GLRA2: variants seen among roughly 807,000 people sequenced by gnomAD.
GLRA2 encodes the protein glycine receptor alpha 2.
Under a neutral mutation model 31.6 loss-of-function variants are expected in GLRA2, and 11 were observed. The ratio of observed to expected loss-of-function variants is 0.35; its 90% CI spans 0.22 to 0.58. The LOEUF (loss-of-function observed/expected upper bound fraction) is 0.58, where lower values mean the gene tolerates loss of function less well. Ranked by LOEUF, GLRA2 falls within the 20% of genes least tolerant of loss-of-function variation. GLRA2 has a pLI of 0.84. For missense variants in GLRA2, 212 were observed against 351.8 expected (o/e 0.60, Z 3.18); for synonymous variants, 132 against 134.0 (o/e 0.99, Z 0.10).
chrX:14,675,808 C>T (rs183368905), intron 7 of GLRA2, among the ~76,000 whole-genome samples: 1,310 of 112,057 alleles, frequency 0.012, 11 homozygotes, highest in Non-Finnish European at 0.017. Flanking sequence ...CCAGGATTAA[C>T]TTGACTATAT....
At position 14,586,563 on chromosome X, in the gene GLRA2, A is replaced by C. The variant is rs776037422; in HGVS notation, c.494+5157A>C. Among the ~76,000 whole-genome samples, 7 of 112,456 alleles carry C rather than the reference A, an allele frequency of 6.2e-5. No homozygotes were observed. The East Asian group carries it at 1.7e-3, about 27-fold the overall frequency. The stretch of plus-strand genomic sequence containing the variant: ...TGTGGTCCTTCATCTGGGATGGGGA[A>C]AGAGTCAAATTCTAAATTCAGAGAG... On this transcript the variant is annotated intron_variant, in intron 4 of 8. Coordinates refer to ENST00000218075, the MANE Select transcript of GLRA2 (RefSeq NM_002063.4).
chrX:14,497,394 A>G, the GLRA2 span, among the ~76,000 whole-genome samples: 1 of 112,352 alleles, frequency 8.9e-6, no homozygotes, highest in Admixed American at 9.4e-5. Flanking sequence ...GGAATTTATC[A>G]TAAGAGTAAC....
chrX:14,722,216 G>A (rs1288314122), intron 8 of GLRA2, among the ~76,000 whole-genome samples: 1 of 111,800 alleles, frequency 8.9e-6, no homozygotes, highest in Non-Finnish European at 1.9e-5. Flanking sequence ...GTTGTGGTTC[G>A]GGGTCTCTCC....
At chrX:14,660,487 T>C (rs898233330) in intron 7 of GLRA2, among the ~76,000 whole-genome samples, 4 of 111,740 alleles carry the variant, frequency 3.6e-5, no homozygotes, top group African/African-American at 1.3e-4. Flanking sequence ...ATGTGGGCCA[T>C]GGAGGTTTTT....
At chrX:14,701,068 C>CTGAT (rs2091533787) in intron 8 of GLRA2, among the ~76,000 whole-genome samples, 1 of 110,350 alleles carries the variant, frequency 9.1e-6, no homozygotes. Flanking sequence ...ATGATGGCAT[C>CTGAT]TGATTGTTTT....
At chrX:14,690,656 T>C in intron 7 of GLRA2, 54 bp from the exon 8 acceptor site, 1 of 898,960 alleles carries the variant, frequency 1.1e-6, no homozygotes, top group Non-Finnish European at 1.6e-6. Context: ...TCATAGTCTT[T>C]CTTTCTCTCT....
chrX:14,690,663 C>G, intron 7 of GLRA2, 47 bp from the exon 8 acceptor site: 1 of 751,044 alleles, frequency 1.3e-6, no homozygotes, highest in Non-Finnish European at 2.0e-6. Context: ...CTTTCTTTCT[C>G]TCTCTCTCTC....
intron 3 of GLRA2, among the ~76,000 whole-genome samples, chrX:14,577,227 C>T (rs1162668213): frequency 8.8e-6 from 1 of 113,201 alleles, no homozygotes; most frequent in African/African-American, 3.2e-5. Context: ...CTTACAAAAA[C>T]AGGCCAAGGC....
the GLRA2 span, among the ~76,000 whole-genome samples, chrX:14,515,028 TTTACTC>T: frequency 9.0e-6 from 1 of 111,710 alleles, no homozygotes; most frequent in Non-Finnish European, 1.9e-5. Context: ...GAAATAGTCT[TTTACTC>T]TTATTTTATT....
chrX:14,685,680 T>A (rs1232538390), intron 7 of GLRA2, among the ~76,000 whole-genome samples: 2 of 111,991 alleles, frequency 1.8e-5, no homozygotes, highest in Non-Finnish European at 3.8e-5. Context: ...TGTCATTTTT[T>A]ATTGCGTCTA....
At chrX:14,454,872 T>G in the GLRA2 span, among the ~76,000 whole-genome samples, 1 of 112,366 alleles carries the variant, frequency 8.9e-6, no homozygotes, top group Non-Finnish European at 1.9e-5. Flanking sequence ...ATGACTGACA[T>G]TTAAACAAAA....
At chrX:14,606,017 T>C (rs2090329360) in intron 5 of GLRA2, among the ~76,000 whole-genome samples, 1 of 54,502 alleles carries the variant, frequency 1.8e-5, no homozygotes, top group Admixed American at 1.6e-4. Flanking sequence ...TTCTTATTAT[T>C]TTTTTTTTTT....
the GLRA2 span, among the ~76,000 whole-genome samples, chrX:14,507,002 CTT>C: frequency 0.026 from 2,939 of 111,703 alleles, 91 homozygotes; most frequent in African/African-American, 0.09. Flanking sequence ...AAGGAAAAAT[CTT>C]TATTTGAGTA....
At chrX:14,680,177 C>T (rs1185042867) in intron 7 of GLRA2, among the ~76,000 whole-genome samples, 1 of 112,145 alleles carries the variant, frequency 8.9e-6, no homozygotes, top group Non-Finnish European at 1.9e-5. Flanking sequence ...TATGCTGCTC[C>T]ATGATCTATG....
chrX:14,485,224 C>T, the GLRA2 span, among the ~76,000 whole-genome samples: 7 of 112,024 alleles, frequency 6.2e-5, no homozygotes, highest in East Asian at 2.8e-4. Context: ...TCTAGGTTTA[C>T]GAAGCTGCAG....
chrX:14,528,603 G>A (rs778827915), upstream of GLRA2, among the ~76,000 whole-genome samples: 2 of 111,546 alleles, frequency 1.8e-5, no homozygotes, highest in African/African-American at 3.3e-5. Context: ...AGGGTTACTC[G>A]TCAGACTTTT....
intron 8 of GLRA2, among the ~76,000 whole-genome samples, chrX:14,694,518 T>C (rs757510501): frequency 5.4e-5 from 6 of 112,053 alleles, no homozygotes; most frequent in Non-Finnish European, 7.5e-5. Context: ...TTAGTTTCAA[T>C]ATAGCAAATA....
chrX:14,674,946 G>A (rs927922334), intron 7 of GLRA2, among the ~76,000 whole-genome samples: 8 of 111,402 alleles, frequency 7.2e-5, no homozygotes, highest in Admixed American at 2.9e-4. Context: ...AATTTGTTCC[G>A]AATCCCCACT....
intron 7 of GLRA2, among the ~76,000 whole-genome samples, chrX:14,681,343 TCCTTCCTTG>T (rs1373920712): frequency 1.8e-5 from 2 of 111,747 alleles, no homozygotes; most frequent in Admixed American, 9.5e-5. Flanking sequence ...TTCCTTCCTT[TCCTTCCTTG>T]CTTTCTTCCT....
Sources: allele counts gnomAD v4.1 joint callset (sites outside exome capture counted in the v4.1 genomes callset), GRCh38; gene constraint gnomAD v4.1.1; transcripts MANE v1.5; gene names NCBI Gene and HGNC (gene_info 2026-07-23, HGNC 2026-07-21).